Variants in RSPO2 observed in about 807,000 individuals in gnomAD.
RSPO2 encodes R-spondin-2.
A neutral mutation model predicts 30.9 loss-of-function variants in RSPO2; 14 were observed. The observed-to-expected ratio is 0.45, with a 90% confidence interval of 0.30 to 0.71. The LOEUF (loss-of-function observed/expected upper bound fraction) is 0.71. Ranked by LOEUF, RSPO2 falls within the 30% of genes least tolerant of loss-of-function variation. RSPO2 has a pLI of 0.08. For missense variants in RSPO2, 264 were observed against 301.9 expected (o/e 0.87, Z 0.93); for synonymous variants, 107 against 96.4 (o/e 1.11, Z -0.64).
intron 2 of RSPO2, among the ~76,000 whole-genome samples, chr8:108,049,279 C>T (rs1812004381): frequency 6.6e-6 from 1 of 151,712 alleles, no homozygotes; most frequent in Non-Finnish European, 1.5e-5. Context: ...TAACATCAGC[C>T]CAACCACACG....
At chr8:108,052,713 T>C (rs1230816346) in intron 2 of RSPO2, among the ~76,000 whole-genome samples, 1 of 152,168 alleles carries the variant, frequency 6.6e-6, no homozygotes, top group Non-Finnish European at 1.5e-5. Flanking sequence ...AATTATAAAC[T>C]AGATAACTAC....
Position 108,075,340 on chromosome 8 carries a change from G to T in RSPO2, c.94+7205C>A, listed in dbSNP as rs573961376. On this transcript the variant is annotated intron_variant, in intron 2 of 5. Transcript: ENST00000276659. Reference sequence around the variant, plus strand: ...TACTAAAAATACAAAAATTAGCTGGGCATGGTATTGGGCATCTATAATCCC... The same window carrying T: ...TACTAAAAATACAAAAATTAGCTGGTCATGGTATTGGGCATCTATAATCCC... Among the ~76,000 whole-genome samples the T allele has an allele frequency of 2.0e-3, 309 of 152,174 alleles. 1 individual carries two copies. The highest frequency in any genetic ancestry group is 7.1e-3 in the African/African-American group (294 of 41,510).
intron 5 of RSPO2, among the ~76,000 whole-genome samples, chr8:107,922,121 A>T (rs1052378448): frequency 1.3e-5 from 2 of 151,130 alleles, no homozygotes; most frequent in African/African-American, 4.9e-5. Flanking sequence ...CAAACAAAAG[A>T]AGTACAGGGC....
intron 2 of RSPO2, among the ~76,000 whole-genome samples, chr8:108,079,311 G>T (rs1433646046): frequency 6.6e-6 from 1 of 152,132 alleles, no homozygotes; most frequent in Admixed American, 6.5e-5. Context: ...TTGCAACCAG[G>T]CCCCATTAGT....
rs75389712 is a variant in RSPO2 at position 107,941,356 on chromosome 8, A to G, written c.616+16724T>C. On this transcript the variant is annotated intron_variant, in intron 5 of 5. Transcript: ENST00000276659. ...GGAACTTGGGTGTTACAATAGACTCATTAGATGCTTTGTCTAGATTGCAAT... is the reference window on the plus strand; with the variant it reads ...GGAACTTGGGTGTTACAATAGACTCGTTAGATGCTTTGTCTAGATTGCAAT... Among the ~76,000 whole-genome samples the G allele has an allele frequency of 5.3e-5, 8 of 152,324 alleles. No homozygotes were observed. In the East Asian group the frequency reaches 1.5e-3, roughly 29 times the overall value.
chr8:108,014,986 A>G (rs1445886320), intron 2 of RSPO2, among the ~76,000 whole-genome samples: 1 of 152,212 alleles, frequency 6.6e-6, no homozygotes, highest in Non-Finnish European at 1.5e-5. Context: ...ACTAAGGGCC[A>G]TATAAGAATT....
chr8:108,004,276 CCAGCACTTTTTA>C (rs1387064254), intron 2 of RSPO2, among the ~76,000 whole-genome samples: 1 of 152,154 alleles, frequency 6.6e-6, no homozygotes, highest in Admixed American at 6.5e-5. Flanking sequence ...CAGCAAAAGG[CCAGCACTTTTTA>C]CAGAGGGATC....
chr8:108,072,492 A>ATTTT lies in RSPO2; in HGVS notation c.94+10049_94+10052dup, dbSNP rs71308776. Among the ~76,000 whole-genome samples, 637 of 122,612 alleles carry ATTTT rather than the reference A, an allele frequency of 5.2e-3. 14 individuals are homozygous for ATTTT. Among genetic ancestry groups the ATTTT allele is most frequent in the African/African-American group, 0.019 (599 of 31,482 alleles). The allele number at this position is 122,612 out of a possible 152,430, so 80.4% of individuals were successfully genotyped here. On this transcript the variant is annotated intron_variant, in intron 2 of 5. Coordinates refer to ENST00000276659, the MANE Select transcript of RSPO2 (RefSeq NM_178565.5). The stretch of plus-strand genomic sequence containing the variant: ...AGGCACCCGCCACCAAGCCCGGCTA[A>ATTTT]TTTTTTTTTTTTTTTTTTTGTATTT...
At chr8:108,005,278 C>A (rs1444052113) in intron 2 of RSPO2, among the ~76,000 whole-genome samples, 2 of 152,112 alleles carry the variant, frequency 1.3e-5, no homozygotes, top group Non-Finnish European at 2.9e-5. Context: ...GGTTTCTATA[C>A]TATAAAGTTG....
intron 5 of RSPO2, among the ~76,000 whole-genome samples, chr8:107,956,654 C>G (rs1022296847): frequency 2.0e-5 from 3 of 152,082 alleles, no homozygotes; most frequent in African/African-American, 7.2e-5. Context: ...GTTATAGGAG[C>G]ATTTTCAGTT....
At chr8:107,955,572 A>T (rs502610) in intron 5 of RSPO2, among the ~76,000 whole-genome samples, 87,188 of 151,782 alleles carry the variant, frequency 0.57, 25,927 homozygotes, top group East Asian at 0.7. Context: ...GATTTTTTTT[A>T]AAAAAAGAAA....
intron 2 of RSPO2, among the ~76,000 whole-genome samples, chr8:108,064,602 G>C (rs1812598534): frequency 6.6e-6 from 1 of 152,302 alleles, no homozygotes; most frequent in East Asian, 1.9e-4. Context: ...AACCATTGTG[G>C]AAGTCAGTGT....
chr8:108,044,117 G>A (rs893510567), intron 2 of RSPO2, among the ~76,000 whole-genome samples: 1 of 151,442 alleles, frequency 6.6e-6, no homozygotes, highest in South Asian at 2.1e-4. Context: ...TACCTAAAGT[G>A]GGTTTACAGT....
intron 2 of RSPO2, among the ~76,000 whole-genome samples, chr8:108,069,857 C>T (rs528421633): frequency 1.8e-4 from 28 of 152,260 alleles, no homozygotes; most frequent in African/African-American, 3.4e-4. Flanking sequence ...CTTGTCTGAA[C>T]GGGTTTTTAA....
At chr8:108,045,692 G>C (rs972427531) in intron 2 of RSPO2, among the ~76,000 whole-genome samples, 1 of 152,066 alleles carries the variant, frequency 6.6e-6, no homozygotes, top group East Asian at 1.9e-4. Context: ...GGTTAACTGA[G>C]TAATGTTCAC....
intron 5 of RSPO2, among the ~76,000 whole-genome samples, chr8:107,957,638 G>C (rs17318465): frequency 0.012 from 1,804 of 152,274 alleles, 18 homozygotes; most frequent in Non-Finnish European, 0.018. Flanking sequence ...TTTATTTTAA[G>C]TTGTCATCTT....
chr8:107,912,056 G>A (rs1056020387), intron 5 of RSPO2, among the ~76,000 whole-genome samples: 1 of 151,982 alleles, frequency 6.6e-6, no homozygotes. Flanking sequence ...CCAGGGTCAA[G>A]CAACACATTT....
chr8:107,920,372 C>T (rs182180778), intron 5 of RSPO2, among the ~76,000 whole-genome samples: 11 of 152,130 alleles, frequency 7.2e-5, no homozygotes, highest in East Asian at 1.9e-4. Context: ...GTATTAAGAT[C>T]GCTTTGTCAT....
chr8:108,018,068 A>G (rs959203370), intron 2 of RSPO2, among the ~76,000 whole-genome samples: 2 of 152,218 alleles, frequency 1.3e-5, no homozygotes, highest in Admixed American at 6.5e-5. Flanking sequence ...ATTATTTTGC[A>G]TAATATTTTT....
Sources: allele counts gnomAD v4.1 joint callset (sites outside exome capture counted in the v4.1 genomes callset), GRCh38; gene constraint gnomAD v4.1.1; transcripts MANE v1.5; gene names NCBI Gene and HGNC (gene_info 2026-07-23, HGNC 2026-07-21).